Variants in KALRN observed in about 807,000 individuals in gnomAD.
KALRN encodes the protein kalirin RhoGEF kinase, also known as kalirin.
A neutral mutation model predicts 353.7 loss-of-function variants in KALRN; 70 were observed. The observed-to-expected ratio is 0.20, with a 90% confidence interval of 0.16 to 0.24. KALRN has a LOEUF of 0.24. KALRN is among the 10% of genes least tolerant of loss of function. KALRN has a pLI of 1.00. For missense variants in KALRN, 2,791 were observed against 3,756.7 expected, an observed-to-expected ratio of 0.74 and a Z score of 6.72; for synonymous variants, 1,391 against 1,434.8, an observed-to-expected ratio of 0.97 and a Z score of 0.69.
chr3:124,400,822 G>A (rs1213517158), intron 13 of KALRN, among the ~76,000 whole-genome samples: 1 of 152,194 alleles, frequency 6.6e-6, no homozygotes, highest in East Asian at 1.9e-4. Context: ...GAGAAATTAT[G>A]TTAGCAGGTG....
intron 9 of KALRN, among the ~76,000 whole-genome samples, chr3:124,335,227 G>A (rs1184320441): frequency 6.6e-6 from 1 of 152,182 alleles, no homozygotes; most frequent in Non-Finnish European, 1.5e-5. Flanking sequence ...GCCTGCCAGA[G>A]TGAAGGTGAA....
chr3:124,357,069 G>A (rs2083501245), intron 10 of KALRN, among the ~76,000 whole-genome samples: 1 of 152,188 alleles, frequency 6.6e-6, no homozygotes, highest in Admixed American at 6.5e-5. Context: ...CGTTATACCA[G>A]TGAAGGCCAC....
chr3:124,044,905 C>CCTTCCTTCT (rs1553740413), intron 1 of KALRN, among the ~76,000 whole-genome samples: 43 of 45,584 alleles, frequency 9.4e-4, no homozygotes, highest in East Asian at 2.7e-3. Flanking sequence ...TTCCTTCCTT[C>CCTTCCTTCT]CTTCCTTCTC....
chr3:124,121,177 G>A (rs1480877776), intron 1 of KALRN, among the ~76,000 whole-genome samples: 1 of 150,572 alleles, frequency 6.6e-6, no homozygotes, highest in Non-Finnish European at 1.5e-5. Context: ...GAAGAGTAAT[G>A]TGAGTTCCAG....
At chr3:124,496,811 T>C (rs1279153060) in intron 33 of KALRN, among the ~76,000 whole-genome samples, 1 of 152,146 alleles carries the variant, frequency 6.6e-6, no homozygotes, top group Non-Finnish European at 1.5e-5. Flanking sequence ...TGTGATTGGC[T>C]CAAATTTACA....
chr3:124,632,994 C>G (rs986468312), intron 35 of KALRN, among the ~76,000 whole-genome samples: 1 of 152,168 alleles, frequency 6.6e-6, no homozygotes, highest in Non-Finnish European at 1.5e-5. Context: ...CTACTAAGGA[C>G]TACATTAAAA....
intron 17 of KALRN, among the ~76,000 whole-genome samples, chr3:124,437,725 C>T (rs1315389304): frequency 7.9e-6 from 1 of 126,744 alleles, no homozygotes; most frequent in African/African-American, 2.8e-5. Flanking sequence ...AGACGTTTTT[C>T]ATCAAAAGAC....
intron 18 of KALRN, among the ~76,000 whole-genome samples, chr3:124,441,315 T>C (rs1419540754): frequency 6.6e-6 from 1 of 152,190 alleles, no homozygotes; most frequent in Non-Finnish European, 1.5e-5. Context: ...ATGTTAGTAA[T>C]GCCTGATCAA....
chr3:124,069,694 C>G (rs2042691226), intron 1 of KALRN, among the ~76,000 whole-genome samples: 1 of 152,114 alleles, frequency 6.6e-6, no homozygotes, highest in East Asian at 1.9e-4. Context: ...TTTGCTTTAG[C>G]AAAATTAATT....
intron 1 of KALRN, among the ~76,000 whole-genome samples, chr3:124,086,809 T>G (rs916312553): frequency 1.4e-4 from 22 of 152,342 alleles, no homozygotes; most frequent in African/African-American, 4.6e-4. Context: ...TCAGTATTAG[T>G]TTCTCGGGAA....
chr3:124,382,708 T>G (rs1398451516), intron 10 of KALRN, among the ~76,000 whole-genome samples: 1 of 152,220 alleles, frequency 6.6e-6, no homozygotes, highest in African/African-American at 2.4e-5. Flanking sequence ...CTAGGGTTCT[T>G]GCGGGGGGAA....
At chr3:124,037,873 C>T (rs1284911180) in intron 1 of KALRN, among the ~76,000 whole-genome samples, 2 of 152,028 alleles carry the variant, frequency 1.3e-5, no homozygotes, top group African/African-American at 4.8e-5. Flanking sequence ...GAAGACAGGA[C>T]CTGGTTTTGC....
At chr3:124,062,733 T>C (rs2042074297) in intron 1 of KALRN, among the ~76,000 whole-genome samples, 1 of 152,196 alleles carries the variant, frequency 6.6e-6, no homozygotes, top group African/African-American at 2.4e-5. Flanking sequence ...AGGAGAATAC[T>C]GTGAAAGGAA....
intron 10 of KALRN, among the ~76,000 whole-genome samples, chr3:124,368,349 G>T (rs1320101056): frequency 6.7e-6 from 1 of 149,524 alleles, no homozygotes; most frequent in Non-Finnish European, 1.5e-5. Context: ...CTCAGACGGG[G>T]CGGCCGGGCA....
At chr3:124,426,932 G>A (rs1416917413) in intron 15 of KALRN, among the ~76,000 whole-genome samples, 1 of 152,192 alleles carries the variant, frequency 6.6e-6, no homozygotes, top group African/African-American at 2.4e-5. Context: ...AGCTAAAATG[G>A]ATTTATAAAA....
chr3:124,668,665 T>C (rs1388527418), intron 47 of KALRN, among the ~76,000 whole-genome samples: 2 of 152,214 alleles, frequency 1.3e-5, no homozygotes, highest in Admixed American at 6.5e-5. Flanking sequence ...TAAAAAAAAT[T>C]TGGTGAAAAA....
At chr3:124,057,668 T>G (rs1052938871) in intron 1 of KALRN, among the ~76,000 whole-genome samples, 1 of 152,126 alleles carries the variant, frequency 6.6e-6, no homozygotes, top group Non-Finnish European at 1.5e-5. Flanking sequence ...TGGAGCCCAG[T>G]GAGAGGACCT....
chr3:124,035,938 G>A (rs189178238), intron 1 of KALRN, among the ~76,000 whole-genome samples: 1 of 152,144 alleles, frequency 6.6e-6, no homozygotes, highest in African/African-American at 2.4e-5. Context: ...TGCAAGAGGG[G>A]GTAGGTCAAG....
At chr3:124,432,291 G>A (rs1374533879) in intron 16 of KALRN, among the ~76,000 whole-genome samples, 1 of 152,112 alleles carries the variant, frequency 6.6e-6, no homozygotes, top group Non-Finnish European at 1.5e-5. Flanking sequence ...GTGGGTACTT[G>A]TAATCCCAGC....
Sources: allele counts gnomAD v4.1 joint callset (sites outside exome capture counted in the v4.1 genomes callset), GRCh38; gene constraint gnomAD v4.1.1; transcripts MANE v1.5; gene names NCBI Gene and HGNC (gene_info 2026-07-23, HGNC 2026-07-21).